Variants in QTMAN observed in about 807,000 individuals in gnomAD.
QTMAN encodes tRNA-queuosine alpha-mannosyltransferase.
At chr2:144,173,141 G>A in the QTMAN span, among the ~76,000 whole-genome samples, 1 of 151,844 alleles carries the variant, frequency 6.6e-6, no homozygotes, top group Non-Finnish European at 1.5e-5. Flanking sequence ...CTGTTCTTCT[G>A]GTGAATGTTT....
the QTMAN span, among the ~76,000 whole-genome samples, chr2:144,222,533 G>T: frequency 3.3e-5 from 5 of 151,946 alleles, no homozygotes; most frequent in South Asian, 1.0e-3. Context: ...GAGGCTGGGC[G>T]TGGTGGCTCA....
At chr2:144,065,762 CTTTTT>C in the QTMAN span, among the ~76,000 whole-genome samples, 2 of 132,512 alleles carry the variant, frequency 1.5e-5, no homozygotes, top group Admixed American at 7.6e-5. Flanking sequence ...AAGAAAATAA[CTTTTT>C]TTTTTTTTTT....
At chr2:144,141,996 G>A in the QTMAN span, 54 of 1,610,130 alleles carry the variant, frequency 3.4e-5, no homozygotes, top group African/African-American at 6.1e-4. Context: ...TTTTCCCATG[G>A]AAGTGAGAAA....
At chr2:143,965,230 A>G in the QTMAN span, among the ~76,000 whole-genome samples, 1 of 152,178 alleles carries the variant, frequency 6.6e-6, no homozygotes, top group Non-Finnish European at 1.5e-5. Flanking sequence ...TTTTCTGAAT[A>G]AAAACAAAAT....
the QTMAN span, among the ~76,000 whole-genome samples, chr2:144,013,975 A>T: frequency 6.6e-6 from 1 of 152,190 alleles, no homozygotes; most frequent in Non-Finnish European, 1.5e-5. Flanking sequence ...AAATTTTGAT[A>T]TGGCATTCTC....
chr2:144,109,276 C>G, the QTMAN span, among the ~76,000 whole-genome samples: 4 of 152,022 alleles, frequency 2.6e-5, no homozygotes, highest in Non-Finnish European at 4.4e-5. Flanking sequence ...ACAAACCTGA[C>G]AAAAACAAGA....
the QTMAN span, among the ~76,000 whole-genome samples, chr2:143,995,481 G>C: frequency 6.6e-6 from 1 of 152,072 alleles, no homozygotes; most frequent in Admixed American, 6.6e-5. Context: ...CTGTGCTAAC[G>C]CAATTACATA....
At chr2:144,204,986 C>A in the QTMAN span, among the ~76,000 whole-genome samples, 3 of 113,958 alleles carry the variant, frequency 2.6e-5, no homozygotes, top group Middle Eastern at 0.016. Flanking sequence ...CACACCGGGG[C>A]CTGTTGTGGG....
chr2:144,307,159 TAAAAAAAAAAA>T, the QTMAN span, among the ~76,000 whole-genome samples: 1 of 40,466 alleles, frequency 2.5e-5, no homozygotes, highest in East Asian at 6.2e-4. Flanking sequence ...GACTCCGTCT[TAAAAAAAAAAA>T]AAAAAAAAAA....
the QTMAN span, among the ~76,000 whole-genome samples, chr2:144,012,569 C>A: frequency 2.0e-5 from 3 of 152,046 alleles, no homozygotes; most frequent in Admixed American, 1.3e-4. Flanking sequence ...ATTCATGTGC[C>A]GTTGAATAGA....
At chr2:144,025,591 C>A in the QTMAN span, among the ~76,000 whole-genome samples, 1 of 152,146 alleles carries the variant, frequency 6.6e-6, no homozygotes, top group Non-Finnish European at 1.5e-5. Context: ...AAGGTACATG[C>A]AAGTAGGGTA....
the QTMAN span, among the ~76,000 whole-genome samples, chr2:144,268,746 C>T: frequency 8.5e-5 from 13 of 152,150 alleles, no homozygotes; most frequent in African/African-American, 2.9e-4. Flanking sequence ...AATAACATTG[C>T]TATGTTATAA....
the QTMAN span, among the ~76,000 whole-genome samples, chr2:144,219,306 T>G: frequency 6.6e-6 from 1 of 152,038 alleles, no homozygotes. Context: ...AATTTTTGTG[T>G]TTTTAGTAGA....
the QTMAN span, among the ~76,000 whole-genome samples, chr2:144,234,467 T>G: frequency 6.6e-6 from 1 of 152,118 alleles, no homozygotes; most frequent in Non-Finnish European, 1.5e-5. Flanking sequence ...AAGAATGAAC[T>G]GTGTCAGCTC....
chr2:144,008,046 C>CT, the QTMAN span, among the ~76,000 whole-genome samples: 1 of 152,096 alleles, frequency 6.6e-6, no homozygotes, highest in African/African-American at 2.4e-5. Flanking sequence ...ATTTTAATAT[C>CT]TTTTTTATTA....
chr2:144,066,845 A>G, the QTMAN span, among the ~76,000 whole-genome samples: 15 of 152,182 alleles, frequency 9.9e-5, no homozygotes, highest in Admixed American at 9.8e-4. Context: ...TCTATGTCTA[A>G]AAAGTACTTT....
At chr2:144,172,085 T>C in the QTMAN span, among the ~76,000 whole-genome samples, 23 of 152,218 alleles carry the variant, frequency 1.5e-4, no homozygotes, top group Admixed American at 2.6e-4. Context: ...ATATTTTTTG[T>C]TCCACTTACA....
At chr2:144,102,480 A>C in the QTMAN span, among the ~76,000 whole-genome samples, 1 of 152,232 alleles carries the variant, frequency 6.6e-6, no homozygotes, top group African/African-American at 2.4e-5. Flanking sequence ...TGACGCCCAC[A>C]GCACTCAAGT....
the QTMAN span, among the ~76,000 whole-genome samples, chr2:143,987,158 A>G: frequency 6.6e-6 from 1 of 152,170 alleles, no homozygotes; most frequent in Non-Finnish European, 1.5e-5. Context: ...CTGGCACAAG[A>G]GATGAGAGCT....
Sources: allele counts gnomAD v4.1 joint callset (sites outside exome capture counted in the v4.1 genomes callset), GRCh38; gene constraint gnomAD v4.1.1; transcripts MANE v1.5; gene names NCBI Gene and HGNC (gene_info 2026-07-23, HGNC 2026-07-21).